The following ROBO2 variants were observed in gnomAD, a reference collection of about 807,000 sequenced individuals.
The protein encoded by ROBO2 is roundabout guidance receptor 2.
In ROBO2, 53 loss-of-function variants were observed where a neutral mutation model predicts 160.8. The ratio of observed to expected loss-of-function variants is 0.33; its 90% CI spans 0.26 to 0.41. The LOEUF (loss-of-function observed/expected upper bound fraction) is 0.41. Among genes scored for constraint, ROBO2 ranks in the 10% least tolerant of loss-of-function variants. The pLI is 1.00. For synonymous variants in ROBO2, 664 were observed against 611.7 expected, an observed-to-expected ratio of 1.09 and a Z score of -1.26; for missense variants, 1,577 against 1,722.4, an observed-to-expected ratio of 0.92 and a Z score of 1.49.
chr3:76,242,383 T>C (rs542533606), intron 2 of ROBO2, among the ~76,000 whole-genome samples: 3 of 152,286 alleles, frequency 2.0e-5, no homozygotes, highest in Non-Finnish European at 2.9e-5. Flanking sequence ...TAATATTAGA[T>C]ACAAAAGGCT....
chr3:77,561,280 A>G (rs1336267585), intron 9 of ROBO2, among the ~76,000 whole-genome samples: 1 of 152,186 alleles, frequency 6.6e-6, no homozygotes, highest in African/African-American at 2.4e-5. Flanking sequence ...ATATTTCATC[A>G]ACAATTAGAC....
intron 2 of ROBO2, among the ~76,000 whole-genome samples, chr3:77,373,716 C>A (rs951902142): frequency 1.1e-4 from 16 of 151,902 alleles, no homozygotes; most frequent in Non-Finnish European, 2.1e-4. Flanking sequence ...GCCAGCAATC[C>A]TCTCTATAGG....
At chr3:77,512,035 T>C (rs996945892) in intron 5 of ROBO2, among the ~76,000 whole-genome samples, 1 of 151,924 alleles carries the variant, frequency 6.6e-6, no homozygotes, top group Non-Finnish European at 1.5e-5. Context: ...TAGCCTGCAT[T>C]ATAATTATAG....
intron 1 of ROBO2, among the ~76,000 whole-genome samples, chr3:77,095,602 A>G (rs554656875): frequency 6.6e-6 from 1 of 152,272 alleles, no homozygotes; most frequent in African/African-American, 2.4e-5. Context: ...ATCTAAACAG[A>G]TGATTGTAAC....
At chr3:76,825,301 T>G (rs2066469180) in intron 2 of ROBO2, among the ~76,000 whole-genome samples, 1 of 152,172 alleles carries the variant, frequency 6.6e-6, no homozygotes, top group African/African-American at 2.4e-5. Flanking sequence ...CTGGACATGT[T>G]GTGAAATATT....
At chr3:76,831,232 A>AT (rs1253453665) in intron 2 of ROBO2, among the ~76,000 whole-genome samples, 3 of 152,004 alleles carry the variant, frequency 2.0e-5, no homozygotes, top group Non-Finnish European at 4.4e-5. Flanking sequence ...AGTTTTTTGG[A>AT]TTTTTTAATC....
intron 2 of ROBO2, among the ~76,000 whole-genome samples, chr3:77,012,227 A>G (rs1336524332): frequency 6.6e-6 from 1 of 152,154 alleles, no homozygotes; most frequent in South Asian, 2.1e-4. Context: ...GCTCCACTAC[A>G]GCATACCCTG....
intron 2 of ROBO2, among the ~76,000 whole-genome samples, chr3:76,657,241 C>T (rs907346509): frequency 2.0e-5 from 3 of 151,564 alleles, no homozygotes; most frequent in Non-Finnish European, 1.5e-5. Context: ...CTGGCTAACA[C>T]GGTGAAACCC....
intron 2 of ROBO2, among the ~76,000 whole-genome samples, chr3:77,235,422 G>A (rs939302691): frequency 6.7e-6 from 1 of 150,214 alleles, no homozygotes; most frequent in Non-Finnish European, 1.5e-5. Flanking sequence ...GCGCGATCTC[G>A]ACTCACTGCA....
At chr3:76,377,737 T>C (rs1470997767) in intron 2 of ROBO2, among the ~76,000 whole-genome samples, 1 of 152,192 alleles carries the variant, frequency 6.6e-6, no homozygotes, top group Non-Finnish European at 1.5e-5. Flanking sequence ...CCTAGCAAAC[T>C]GCTTGTGGGT....
chr3:76,387,674 A>G (rs1322313133), intron 2 of ROBO2, among the ~76,000 whole-genome samples: 1 of 152,128 alleles, frequency 6.6e-6, no homozygotes, highest in South Asian at 2.1e-4. Context: ...AACAATGGGG[A>G]TTTAAAAATT....
chr3:77,092,817 CATT>C (rs1296460938), intron 1 of ROBO2, among the ~76,000 whole-genome samples: 1 of 150,306 alleles, frequency 6.7e-6, no homozygotes, highest in Admixed American at 6.6e-5. Flanking sequence ...AATAATTTCT[CATT>C]ATATGGGCAA....
At chr3:77,251,104 T>C (rs1021812255) in intron 2 of ROBO2, among the ~76,000 whole-genome samples, 4 of 152,120 alleles carry the variant, frequency 2.6e-5, no homozygotes, top group Non-Finnish European at 4.4e-5. Context: ...TCACTAGGCA[T>C]TGCCTTAGTA....
intron 1 of ROBO2, among the ~76,000 whole-genome samples, chr3:77,048,847 T>C (rs1251926428): frequency 6.6e-6 from 1 of 152,246 alleles, no homozygotes; most frequent in Non-Finnish European, 1.5e-5. Flanking sequence ...TGACCAGATC[T>C]CTGGACTGCA....
Position 77,327,650 on chromosome 3 carries a change from G to A in ROBO2, c.389-149764G>A, listed in dbSNP as rs1243031390. 3.3e-5 allele frequency among the ~76,000 whole-genome samples: 5 copies of A among 152,158 alleles called. 1 individual carries two copies. In the East Asian group the frequency reaches 5.8e-4, roughly 18 times the overall value. On this transcript the variant is annotated intron_variant, in intron 2 of 25. Transcript: ENST00000461745. ...ATGACTCCTTCAGCCAAGCCCAACTGAAGATAGAAGTGGTACAGATCTCAT... is the reference window on the plus strand; with the variant it reads ...ATGACTCCTTCAGCCAAGCCCAACTAAAGATAGAAGTGGTACAGATCTCAT...
At chr3:76,587,048 T>C (rs948002114) in intron 2 of ROBO2, among the ~76,000 whole-genome samples, 1 of 152,204 alleles carries the variant, frequency 6.6e-6, no homozygotes, top group Non-Finnish European at 1.5e-5. Context: ...AGATACATGA[T>C]ACAATTGCTC....
intron 2 of ROBO2, among the ~76,000 whole-genome samples, chr3:77,030,090 G>T (rs1437645714): frequency 6.6e-6 from 1 of 151,854 alleles, no homozygotes; most frequent in Non-Finnish European, 1.5e-5. Flanking sequence ...GACTACAGGC[G>T]CCCGCCACCA....
chr3:77,193,829 GA>G (rs983948553), intron 2 of ROBO2, among the ~76,000 whole-genome samples: 4 of 151,644 alleles, frequency 2.6e-5, no homozygotes, highest in East Asian at 1.9e-4. Flanking sequence ...AAAACTGGAA[GA>G]AAAAAAAGAA....
At chr3:76,541,031 C>T (rs911097063) in intron 2 of ROBO2, among the ~76,000 whole-genome samples, 2 of 152,132 alleles carry the variant, frequency 1.3e-5, no homozygotes, top group Non-Finnish European at 2.9e-5. Flanking sequence ...AACTCCTGAC[C>T]TCAAGTGATC....
Sources: gnomAD v4.1 joint callset for allele counts (sites outside exome capture counted in the v4.1 genomes callset) on GRCh38, gnomAD v4.1.1 for gene constraint, MANE v1.5 for transcripts, NCBI Gene and HGNC (gene_info 2026-07-23, HGNC 2026-07-21) for gene names.